Variants in FAIM observed in about 807,000 individuals in gnomAD.
FAIM encodes fas apoptotic inhibitory molecule 1.
In FAIM, 14 loss-of-function variants were observed where a neutral mutation model predicts 21.2. That is an observed-to-expected ratio of 0.66 (90% CI 0.44 to 1.03). The LOEUF is 1.03. FAIM is among the 50% of genes least tolerant of loss of function. The pLI is 0.00. For synonymous variants in FAIM, 86 were observed against 80.4 expected, an observed-to-expected ratio of 1.07 and a Z score of -0.37; for missense variants, 222 against 247.1, an observed-to-expected ratio of 0.90 and a Z score of 0.68.
rs2042936474 is a variant in FAIM, at chr3:138,626,094, G to C, written c.407-3013G>C. ...TGATAGCATTTACAGAACATAACCT[G>C]CTCAGGACTCACCTGGGAAGTCCCT... On this transcript the variant is annotated intron_variant, in intron 4 of 5. Coordinates refer to ENST00000360570, the MANE Select transcript of FAIM (RefSeq NM_001033031.2). 2.0e-5 allele frequency among the ~76,000 whole-genome samples: 3 copies of C among 152,148 alleles called. 1 individual carries two copies. In the South Asian group the frequency reaches 6.2e-4, roughly 32 times the overall value.
Position 138,619,706 on chromosome 3 carries a change from TAA to T in FAIM, c.-16-3_-16-2del. 6.2e-7 allele frequency: 1 copy of T among 1,612,596 alleles called. No individual in the cohort carries two copies. Among genetic ancestry groups the T allele is most frequent in the Non-Finnish European group, 8.5e-7 (1 of 1,179,566 alleles). On this transcript the variant is annotated splice_polypyrimidine_tract_variant and splice_region_variant and intron_variant, in intron 1 of 5. Coordinates refer to ENST00000360570, the MANE Select transcript of FAIM (RefSeq NM_001033031.2). ...TTTCTTTCCTGGCTGCTAATTGGAT[TAA>T]AGACTGTTTTTGCCAACCATGGCAT...
intron 1 of FAIM, among the ~76,000 whole-genome samples, chr3:138,616,348 A>G (rs1346541388): frequency 1.3e-5 from 2 of 152,208 alleles, no homozygotes; most frequent in African/African-American, 2.4e-5. Context: ...TATACTTTTA[A>G]TGTTCCAAAG....
chr3:138,620,240 T>C (rs1427931857), intron 2 of FAIM, among the ~76,000 whole-genome samples: 4 of 152,198 alleles, frequency 2.6e-5, no homozygotes, highest in African/African-American at 7.2e-5. Flanking sequence ...ATACTAATAG[T>C]AGCCATCTCA....
intron 1 of FAIM, among the ~76,000 whole-genome samples, chr3:138,617,709 T>TGCGGTGGC: frequency 6.9e-6 from 1 of 144,912 alleles, no homozygotes; most frequent in Middle Eastern, 3.6e-3. Flanking sequence ...CAGGCTGGAG[T>TGCGGTGGC]ACATATAATT....
At chr3:138,614,506 T>C (rs1421749471) in intron 1 of FAIM, among the ~76,000 whole-genome samples, 1 of 152,162 alleles carries the variant, frequency 6.6e-6, no homozygotes, top group African/African-American at 2.4e-5. Context: ...TATCTCTTGA[T>C]AGCAGGTTCA....
chr3:138,611,822 C>T (rs1170224327), intron 1 of FAIM, among the ~76,000 whole-genome samples: 1 of 152,216 alleles, frequency 6.6e-6, no homozygotes, highest in Non-Finnish European at 1.5e-5. Flanking sequence ...TTGCCTTCTG[C>T]CATGAGTAGA....
chr3:138,629,083 A>C (rs368881339), intron 4 of FAIM, 24 bp from the exon 5 acceptor site: 1 of 1,566,706 alleles, frequency 6.4e-7, no homozygotes, highest in Non-Finnish European at 8.7e-7. Flanking sequence ...ATTATAACTT[A>C]AAGTTTTTAT....
At chr3:138,614,908 T>C (rs1170762429) in intron 1 of FAIM, among the ~76,000 whole-genome samples, 1 of 152,050 alleles carries the variant, frequency 6.6e-6, no homozygotes, top group Non-Finnish European at 1.5e-5. Flanking sequence ...ACCATTGCAC[T>C]CCAGCCTGGG....
At chr3:138,610,990 G>C in intron 1 of FAIM, 1 of 1,613,890 alleles carries the variant, frequency 6.2e-7, no homozygotes. Context: ...CACTCCCACT[G>C]TTGTGCTATA....
rs1577016854 is a variant in FAIM at position 138,627,543 on chromosome 3, G to A, written c.407-1564G>A. 6.6e-5 allele frequency among the ~76,000 whole-genome samples: 10 copies of A among 152,242 alleles called. 1 individual carries two copies. In the South Asian group the frequency reaches 2.1e-3, roughly 32 times the overall value. On this transcript the variant is annotated intron_variant, in intron 4 of 5. Coordinates refer to ENST00000360570, the MANE Select transcript of FAIM (RefSeq NM_001033031.2). ...TTCTTTTAGGGCTTCTGGATTAGTA[G>A]TGTTCTTCAGAGGCATGCTAATACG...
chr3:138,632,335 G>A lies in FAIM; in HGVS notation c.457-595G>A, dbSNP rs144965302. Among the ~76,000 whole-genome samples the A allele has an allele frequency of 6.9e-3, 1,044 of 151,556 alleles. 7 individuals are homozygous for A. The highest frequency in any genetic ancestry group is 0.024 in the African/African-American group (984 of 41,086). On this transcript the variant is annotated intron_variant, in intron 5 of 5. Coordinates refer to ENST00000360570, the MANE Select transcript of FAIM (RefSeq NM_001033031.2). The stretch of plus-strand genomic sequence containing the variant: ...TTTCATACTAGGTCTTCTAAATCCA[G>A]TGTCTATTTTATATTTAAACAGCAT...
At chr3:138,610,207 A>G (rs1216824566) in intron 1 of FAIM, among the ~76,000 whole-genome samples, 1 of 152,204 alleles carries the variant, frequency 6.6e-6, no homozygotes, top group African/African-American at 2.4e-5. Flanking sequence ...CCCCAGTAAG[A>G]ATAAACCTAA....
At chr3:138,610,881 G>A (rs1182641802) in intron 1 of FAIM, 3 of 1,305,588 alleles carry the variant, frequency 2.3e-6, no homozygotes, top group Middle Eastern at 1.8e-4. Flanking sequence ...ATCGCGCCTG[G>A]CCACTTTCTC....
intron 4 of FAIM, among the ~76,000 whole-genome samples, chr3:138,624,908 G>A (rs1241001952): frequency 1.3e-5 from 2 of 152,220 alleles, no homozygotes; most frequent in Non-Finnish European, 2.9e-5. Flanking sequence ...GCTCACACCT[G>A]TAATCCCAGC....
intron 1 of FAIM, among the ~76,000 whole-genome samples, chr3:138,611,276 TTTTG>T (rs1377150694): frequency 6.8e-4 from 104 of 152,026 alleles, no homozygotes; most frequent in Middle Eastern, 6.8e-3. Flanking sequence ...TTTTTTCTTT[TTTTG>T]TTTTTTTTTT....
intron 2 of FAIM, among the ~76,000 whole-genome samples, chr3:138,620,129 T>C (rs1050583349): frequency 6.6e-6 from 1 of 152,236 alleles, no homozygotes; most frequent in African/African-American, 2.4e-5. Flanking sequence ...GAACAGGCTT[T>C]GGAGCCAGAA....
chr3:138,629,623 T>A (rs778066799), intron 5 of FAIM: 1 of 153,866 alleles, frequency 6.5e-6, no homozygotes, highest in Admixed American at 6.5e-5. Flanking sequence ...GATCACACTT[T>A]AGGAATGCTT....
At chr3:138,623,528 G>C (rs2042909644) in intron 4 of FAIM, among the ~76,000 whole-genome samples, 1 of 151,608 alleles carries the variant, frequency 6.6e-6, no homozygotes, top group African/African-American at 2.4e-5. Flanking sequence ...ACCATGCCAG[G>C]CTAACTTTAA....
At position 138,633,058 on chromosome 3, in the gene FAIM, A is replaced by G. The variant is rs761348710; in HGVS notation, c.585A>G (p.Glu195=). Reference sequence around the variant, plus strand: ...ATACTCTCATTGTGGATAATAGAGAAATCCCAGAGATTGCAAGTTAATGAA... The same window carrying G: ...ATACTCTCATTGTGGATAATAGAGAGATCCCAGAGATTGCAAGTTAATGAA... The part of the protein sequence containing the change: ...IIHTLIVDNR[E]IPEIAS The change falls in exon 6 of 6, where the codon GAA becomes GAG. Residue 195 remains glutamate, a synonymous_variant. Coordinates refer to ENST00000360570, the MANE Select transcript of FAIM (RefSeq NM_001033031.2). The G allele has an allele frequency of 3.7e-6, 6 of 1,612,660 alleles. No individual in the cohort carries two copies. The highest frequency in any genetic ancestry group is 8.5e-7 in the Non-Finnish European group (1 of 1,179,528).
Sources: allele counts gnomAD v4.1 joint callset (sites outside exome capture counted in the v4.1 genomes callset), GRCh38; gene constraint gnomAD v4.1.1; transcripts MANE v1.5; gene names NCBI Gene and HGNC (gene_info 2026-07-23, HGNC 2026-07-21).